Variants in CNTNAP2 observed in about 807,000 individuals in gnomAD.
CNTNAP2 encodes the protein contactin associated protein 2.
CNTNAP2 carries 98 observed loss-of-function variants against 155.2 expected under a neutral mutation model. The ratio of observed to expected loss-of-function variants is 0.63; its 90% CI spans 0.54 to 0.75. CNTNAP2 has a LOEUF of 0.75. CNTNAP2 is among the 30% of genes least tolerant of loss of function. The pLI, the probability that CNTNAP2 is intolerant of heterozygous loss-of-function variation, is 0.00. For synonymous variants in CNTNAP2, 651 were observed against 631.2 expected (o/e 1.03, Z -0.47); for missense variants, 1,727 against 1,688.1 (o/e 1.02, Z -0.40).
intron 11 of CNTNAP2, among the ~76,000 whole-genome samples, chr7:147,561,105 T>A (rs1800054620): frequency 6.6e-6 from 1 of 152,026 alleles, no homozygotes. Context: ...CCCTCCTCAG[T>A]GAAAGCTCTC....
intron 1 of CNTNAP2, among the ~76,000 whole-genome samples, chr7:146,761,762 GC>G (rs1802105395): frequency 6.6e-6 from 1 of 151,802 alleles, no homozygotes; most frequent in South Asian, 2.1e-4. Context: ...TTATCCCATT[GC>G]TTATAGCTAA....
chr7:148,251,200 C>T (rs188526806), intron 20 of CNTNAP2, among the ~76,000 whole-genome samples: 1 of 152,262 alleles, frequency 6.6e-6, no homozygotes, highest in East Asian at 1.9e-4. Context: ...AAGCAGCTGG[C>T]TACAAATTCA....
rs547340417 is a variant in CNTNAP2, at chr7:148,145,100, G to C, written c.2555-2391G>C. Among the ~76,000 whole-genome samples, 205 of 152,252 alleles carry C rather than the reference G, an allele frequency of 1.3e-3. 1 individual carries two copies. The highest frequency in any genetic ancestry group is 4.8e-3 in the African/African-American group (198 of 41,560). On this transcript the variant is annotated intron_variant, in intron 16 of 23. Transcript: ENST00000361727. The stretch of plus-strand genomic sequence containing the variant: ...GTGGGTCTTTCAGATCCTTCCTGAG[G>C]AAGCAACGGAAGGGGTGTGGAATGT...
chr7:146,990,326 G>A (rs899467348), intron 3 of CNTNAP2, among the ~76,000 whole-genome samples: 3 of 152,106 alleles, frequency 2.0e-5, no homozygotes, highest in South Asian at 2.1e-4. Context: ...ACAAAACTTG[G>A]CCCTACTGAC....
chr7:147,625,966 T>C (rs145756459), intron 12 of CNTNAP2, among the ~76,000 whole-genome samples: 2 of 152,196 alleles, frequency 1.3e-5, no homozygotes, highest in African/African-American at 2.4e-5. Context: ...ACATGAAATA[T>C]AAAAGTAGAA....
intron 16 of CNTNAP2, among the ~76,000 whole-genome samples, chr7:148,123,363 G>A (rs1339000227): frequency 2.0e-5 from 3 of 152,104 alleles, no homozygotes; most frequent in Non-Finnish European, 4.4e-5. Flanking sequence ...TGAAGGGGGA[G>A]TATCACTTGA....
chr7:147,102,270 G>A (rs1034488840), intron 4 of CNTNAP2, among the ~76,000 whole-genome samples: 3 of 50,886 alleles, frequency 5.9e-5, no homozygotes, highest in African/African-American at 3.8e-4. Context: ...GCTAAATGTA[G>A]GTAGGCAAAA....
chr7:148,100,467 A>C (rs1804074719), intron 15 of CNTNAP2, among the ~76,000 whole-genome samples: 1 of 152,218 alleles, frequency 6.6e-6, no homozygotes, highest in East Asian at 1.9e-4. Flanking sequence ...GGGTATATAC[A>C]CATATCTTTG....
At chr7:148,063,524 ATCTTT>A (rs1803197685) in intron 15 of CNTNAP2, among the ~76,000 whole-genome samples, 1 of 149,890 alleles carries the variant, frequency 6.7e-6, no homozygotes, top group African/African-American at 2.4e-5. Context: ...AAGTTATCTA[ATCTTT>A]TCTTCTGTAG....
At chr7:147,155,799 G>C (rs1481919859) in intron 8 of CNTNAP2, among the ~76,000 whole-genome samples, 2 of 152,064 alleles carry the variant, frequency 1.3e-5, no homozygotes, top group Admixed American at 6.6e-5. Context: ...AGTGGGGAAA[G>C]GTGCCCCTGA....
intron 3 of CNTNAP2, among the ~76,000 whole-genome samples, chr7:147,033,932 A>G (rs1799094733): frequency 6.6e-6 from 1 of 152,070 alleles, no homozygotes; most frequent in Admixed American, 6.6e-5. Flanking sequence ...AAGCAAAGCA[A>G]GTTTATTAGA....
rs145594033 is a variant in CNTNAP2 at position 147,549,763 on chromosome 7, A to T, written c.1778-12375A>T. On this transcript the variant is annotated intron_variant, in intron 11 of 23. Transcript: ENST00000361727. ...GCAGTGGGCTCGATGTGTCTGATAT[A>T]GTAATATGTAATCTACATAGAGGAG... 7.8e-4 allele frequency among the ~76,000 whole-genome samples: 119 copies of T among 152,350 alleles called. 2 individuals are homozygous for T. The highest frequency in any genetic ancestry group is 2.6e-3 in the African/African-American group (107 of 41,582).
chr7:148,020,913 A>T (rs1040862979), intron 15 of CNTNAP2, among the ~76,000 whole-genome samples: 7 of 152,054 alleles, frequency 4.6e-5, no homozygotes, highest in Non-Finnish European at 8.8e-5. Flanking sequence ...ATCTTAAGCA[A>T]CTCCCCAGAA....
rs1053306926 is a variant in CNTNAP2 at position 147,159,867 on chromosome 7, C to G, written c.1348+27358C>G. Reference sequence around the variant, plus strand: ...TAAATCTTCAAATAAAGTGCAGAAACCTTAATTAAGAAATTGGTATATCTA... The same window carrying G: ...TAAATCTTCAAATAAAGTGCAGAAAGCTTAATTAAGAAATTGGTATATCTA... On this transcript the variant is annotated intron_variant, in intron 8 of 23. Transcript: ENST00000361727. Among the ~76,000 whole-genome samples the G allele has an allele frequency of 2.1e-4, 32 of 152,020 alleles. 1 individual carries two copies. Among genetic ancestry groups the G allele is most frequent in the African/African-American group, 6.3e-4 (26 of 41,406 alleles).
At chr7:146,213,001 A>G (rs1443852772) in intron 1 of CNTNAP2, among the ~76,000 whole-genome samples, 2 of 152,190 alleles carry the variant, frequency 1.3e-5, no homozygotes, top group Non-Finnish European at 2.9e-5. Flanking sequence ...AGTGCTCTCA[A>G]CAGTGTAGCC....
intron 8 of CNTNAP2, among the ~76,000 whole-genome samples, chr7:147,290,146 A>C (rs1288242175): frequency 2.0e-5 from 3 of 152,206 alleles, no homozygotes; most frequent in African/African-American, 7.2e-5. Context: ...CCAACTAATC[A>C]ATACATAACC....
intron 11 of CNTNAP2, among the ~76,000 whole-genome samples, chr7:147,561,130 T>G (rs149621621): frequency 1.3e-5 from 2 of 152,106 alleles, no homozygotes; most frequent in Admixed American, 1.3e-4. Context: ...TCTAGGACCA[T>G]GCAATTATTT....
At chr7:146,330,971 C>T (rs1801174608) in intron 1 of CNTNAP2, among the ~76,000 whole-genome samples, 1 of 152,098 alleles carries the variant, frequency 6.6e-6, no homozygotes, top group African/African-American at 2.4e-5. Flanking sequence ...ACCAAATTGC[C>T]TGTAAGATAT....
chr7:148,202,352 A>G (rs1046124982), intron 18 of CNTNAP2, among the ~76,000 whole-genome samples: 9 of 152,184 alleles, frequency 5.9e-5, no homozygotes, highest in African/African-American at 2.2e-4. Flanking sequence ...ATTTCTGGGG[A>G]AAAAATACAT....
Sources: gnomAD v4.1 joint callset for allele counts (sites outside exome capture counted in the v4.1 genomes callset) on GRCh38, gnomAD v4.1.1 for gene constraint, MANE v1.5 for transcripts, NCBI Gene and HGNC (gene_info 2026-07-23, HGNC 2026-07-21) for gene names.